Variants in GRIA1 observed in about 807,000 individuals in gnomAD.
The protein encoded by GRIA1 is glutamate ionotropic receptor AMPA type subunit 1, also known as glutamate receptor 1.
Under a neutral mutation model 99.2 loss-of-function variants are expected in GRIA1, and 31 were observed. That is an observed-to-expected ratio of 0.31 (90% CI 0.23 to 0.42). GRIA1 has a LOEUF of 0.42. Ranked by LOEUF, GRIA1 falls within the 10% of genes least tolerant of loss-of-function variation. The probability of loss-of-function intolerance (pLI) is 1.00; values close to 1 mark genes in which losing one functional copy is unlikely to be tolerated. For synonymous variants in GRIA1, 438 were observed against 432.4 expected (o/e 1.01, Z -0.16); for missense variants, 782 against 1,157.5 (o/e 0.68, Z 4.71).
chr5:153,632,439 G>A (rs897640139), intron 2 of GRIA1, among the ~76,000 whole-genome samples: 3 of 152,134 alleles, frequency 2.0e-5, no homozygotes, highest in African/African-American at 7.2e-5. Flanking sequence ...TCAGGCAGCT[G>A]GGTTTTCTTT....
chr5:153,725,674 C>T lies in GRIA1; in HGVS notation c.1823+19607C>T, dbSNP rs1760467397. 2.9e-5 allele frequency among the ~76,000 whole-genome samples: 3 copies of T among 105,068 alleles called. 1 individual carries two copies. The highest frequency in any genetic ancestry group is 7.8e-5 in the African/African-American group (2 of 25,710). 68.9% of individuals were successfully genotyped at this position (105,068 alleles called of 152,430 possible). On this transcript the variant is annotated intron_variant, in intron 11 of 15. Coordinates refer to ENST00000285900, the MANE Select transcript of GRIA1 (RefSeq NM_000827.4). The stretch of plus-strand genomic sequence containing the variant: ...TTACATAATGGTAAAGGGATCAATT[C>T]AACAAGAAGAGCTAACTATCCTAAA...
chr5:153,491,043 T>C, intron 1 of GRIA1, 73 bp downstream of exon 1: 1 of 1,343,576 alleles, frequency 7.4e-7, no homozygotes, highest in Non-Finnish European at 1.1e-6. Context: ...AGGGGTTGTG[T>C]ACCCCCTCCC....
chr5:153,535,571 GT>G (rs1354024157), intron 2 of GRIA1, among the ~76,000 whole-genome samples: 2 of 152,198 alleles, frequency 1.3e-5, no homozygotes, highest in Non-Finnish European at 2.9e-5. Context: ...CAGGACATGT[GT>G]TTAGGTGAGT....
chr5:153,674,552 C>T lies in GRIA1; in HGVS notation c.752C>T (p.Thr251Ile). The T allele has an allele frequency of 6.2e-7, 1 of 1,614,060 alleles. No homozygotes were observed. Among genetic ancestry groups the T allele is most frequent in the Non-Finnish European group, 8.5e-7 (1 of 1,179,988 alleles). The change falls in exon 6 of 16, where the codon ACA (threonine) becomes ATA (isoleucine). Residue 251 changes from threonine (T) to isoleucine (I), a missense_variant. By Grantham distance (89) the Thr-to-Ile change is moderately conservative. This residue lies in a region of GRIA1 where 461 missense variants were observed against 521.7 expected (regional missense o/e 0.88). Transcript: ENST00000285900. Reference protein sequence around the residue: ...NKFKESGANVTGFQLVNYTDT... With the variant: ...NKFKESGANVIGFQLVNYTDT... Reference sequence around the variant, plus strand: ...TTCAAGGAGAGTGGCGCCAATGTGACAGGTTTCCAGCTGGTGAACTACACA... The same window carrying T: ...TTCAAGGAGAGTGGCGCCAATGTGATAGGTTTCCAGCTGGTGAACTACACA...
At chr5:153,658,753 G>A (rs2910269) in intron 5 of GRIA1, among the ~76,000 whole-genome samples, 61,678 of 151,996 alleles carry the variant, frequency 0.41, 13,206 homozygotes, top group Non-Finnish European at 0.45. Context: ...GCTTTGAAAG[G>A]TTTAACAAAA....
At chr5:153,642,067 A>G (rs1297574769) in intron 2 of GRIA1, among the ~76,000 whole-genome samples, 2 of 152,358 alleles carry the variant, frequency 1.3e-5, no homozygotes, top group Non-Finnish European at 1.5e-5. Flanking sequence ...AGACAGGAAT[A>G]CATCAAACAT....
intron 11 of GRIA1, among the ~76,000 whole-genome samples, chr5:153,719,068 TTCTTTGAGG>T (rs137969717): frequency 0.015 from 2,274 of 152,324 alleles, 32 homozygotes; most frequent in Non-Finnish European, 0.023. Flanking sequence ...CTGGTTTTGT[TTCTTTGAGG>T]TCAGCATTAG....
Position 153,561,391 on chromosome 5 carries a change from G to A in GRIA1, c.220+67326G>A, listed in dbSNP as rs1343828662. On this transcript the variant is annotated intron_variant, in intron 2 of 15. Transcript: ENST00000285900. Reference sequence around the variant, plus strand: ...TTGAGAGGAGGACAGTTCATGACAAGCCTGACCCAACATAGTGCTGTGCCC... The same window carrying A: ...TTGAGAGGAGGACAGTTCATGACAAACCTGACCCAACATAGTGCTGTGCCC... Among the ~76,000 whole-genome samples the A allele has an allele frequency of 1.3e-5, 2 of 152,154 alleles. 1 individual carries two copies. The highest frequency in any genetic ancestry group is 4.1e-4 in the South Asian group (2 of 4,830).
intron 2 of GRIA1, among the ~76,000 whole-genome samples, chr5:153,530,419 C>T (rs1468902325): frequency 6.6e-6 from 1 of 152,220 alleles, no homozygotes; most frequent in Non-Finnish European, 1.5e-5. Flanking sequence ...ACTCCTCTGG[C>T]CCTGACTGCC....
chr5:153,748,608 A>G (rs1006885543), intron 11 of GRIA1, among the ~76,000 whole-genome samples: 6 of 152,176 alleles, frequency 3.9e-5, no homozygotes, highest in Admixed American at 2.0e-4. Context: ...ACAAGAGAAG[A>G]GGCAAGGAAA....
chr5:153,783,665 G>C (rs1469119388), intron 13 of GRIA1, among the ~76,000 whole-genome samples: 2 of 152,154 alleles, frequency 1.3e-5, no homozygotes, highest in African/African-American at 4.8e-5. Context: ...AGTTTTGAGG[G>C]GTTCAAGAAA....
At chr5:153,804,037 A>G (rs957161407) in intron 15 of GRIA1, among the ~76,000 whole-genome samples, 2 of 151,868 alleles carry the variant, frequency 1.3e-5, no homozygotes, top group Admixed American at 6.6e-5. Context: ...CGTACTCCAT[A>G]CTTTCGCCCC....
intron 14 of GRIA1, among the ~76,000 whole-genome samples, chr5:153,795,001 G>A (rs1354375009): frequency 6.6e-6 from 1 of 152,192 alleles, no homozygotes; most frequent in African/African-American, 2.4e-5. Flanking sequence ...TGAGGACATT[G>A]TGCCTGGACC....
At chr5:153,694,757 A>G (rs923249891) in intron 8 of GRIA1, among the ~76,000 whole-genome samples, 7 of 152,222 alleles carry the variant, frequency 4.6e-5, no homozygotes, top group African/African-American at 1.7e-4. Context: ...CTTTTTTAAA[A>G]TAATACATCT....
intron 2 of GRIA1, among the ~76,000 whole-genome samples, chr5:153,505,208 G>A (rs1755380083): frequency 6.6e-6 from 1 of 152,218 alleles, no homozygotes; most frequent in Non-Finnish European, 1.5e-5. Context: ...GCACAAGACT[G>A]TAATGATTGA....
intron 2 of GRIA1, among the ~76,000 whole-genome samples, chr5:153,589,885 G>A (rs796908995): frequency 3.9e-5 from 6 of 152,268 alleles, no homozygotes; most frequent in African/African-American, 1.2e-4. Flanking sequence ...GAATATTCAC[G>A]CAGCGCACAG....
chr5:153,706,710 G>GA (rs1034562877), intron 11 of GRIA1, among the ~76,000 whole-genome samples: 1 of 151,998 alleles, frequency 6.6e-6, no homozygotes, highest in African/African-American at 2.4e-5. Context: ...ATCTTAAAGA[G>GA]AAAAAACTTC....
chr5:153,560,817 G>T (rs1180792477), intron 2 of GRIA1, among the ~76,000 whole-genome samples: 2 of 152,170 alleles, frequency 1.3e-5, no homozygotes, highest in Non-Finnish European at 2.9e-5. Flanking sequence ...GGGAAATTAT[G>T]TACCACTAAG....
chr5:153,680,971 C>T (rs945219009), intron 7 of GRIA1, among the ~76,000 whole-genome samples: 1 of 152,174 alleles, frequency 6.6e-6, no homozygotes, highest in African/African-American at 2.4e-5. Context: ...AACTCTCCTG[C>T]GTTAGTCCAT....
Sources: allele counts gnomAD v4.1 joint callset (sites outside exome capture counted in the v4.1 genomes callset), GRCh38; gene constraint gnomAD v4.1.1; regional missense constraint gnomAD v4.1.1; transcripts MANE v1.5; gene names NCBI Gene and HGNC (gene_info 2026-07-23, HGNC 2026-07-21).